Variants in HELQ observed in about 807,000 individuals in gnomAD.
HELQ encodes the protein helicase POLQ-like.
Under a neutral mutation model 111.6 loss-of-function variants are expected in HELQ, and 77 were observed. That is an observed-to-expected ratio of 0.69 (90% CI 0.57 to 0.83). The LOEUF is 0.83. Among genes scored for constraint, HELQ ranks in the 40% least tolerant of loss-of-function variants. HELQ has a pLI of 0.00. For synonymous variants in HELQ, 438 were observed against 454.7 expected (o/e 0.96, Z 0.47); for missense variants, 1,200 against 1,288.5 (o/e 0.93, Z 1.05).
intron 15 of HELQ, among the ~76,000 whole-genome samples, chr4:83,420,741 C>A (rs971663305): frequency 3.9e-5 from 6 of 151,960 alleles, no homozygotes; most frequent in Admixed American, 6.6e-5. Flanking sequence ...GCTAAGATTG[C>A]GCCACTGTAC....
chr4:83,453,768 T>C lies in HELQ; in HGVS notation c.475A>G (p.Ile159Val), dbSNP rs755687252. 13 of 1,614,086 alleles carry C rather than the reference T, an allele frequency of 8.1e-6. No individual in the cohort carries two copies. Among genetic ancestry groups the C allele is most frequent in the African/African-American group, 1.3e-5 (1 of 74,930 alleles). The change falls in exon 2 of 18, where the codon ATT (isoleucine) becomes GTT (valine). Residue 159 changes from isoleucine (I) to valine (V), a missense_variant. Around this residue, in one of 3 missense-constraint regions of HELQ, gnomAD observed 610 missense variants for 607.1 expected, o/e 1.00. Transcript: ENST00000295488. ...TCAGTAAGGTTGCCTATGGTAGTAATGCTGAGTTTGTTTTTGATACTTTCC... is the reference window on the plus strand; with the variant it reads ...TCAGTAAGGTTGCCTATGGTAGTAACGCTGAGTTTGTTTTTGATACTTTCC... ...CSESIKNKLS[I>V]TTIGNLTELQ... is the part of the protein sequence containing the mutation.
rs1721758324 is a variant in HELQ at position 83,455,753 on chromosome 4, A to G, written c.-60T>C. ...TCAGTGACCCAGACGCTAAGCCCAT[A>G]TGGAAGGGAGAGTGGGACGCCGGAG... On this transcript the variant is annotated 5_prime_UTR_variant, in exon 1 of 18. Transcript: ENST00000295488. 1.3e-6 allele frequency: 2 copies of G among 1,511,668 alleles called. No homozygotes were observed. The highest frequency in any genetic ancestry group is 1.2e-5 in the South Asian group (1 of 85,008). 93.6% of individuals were successfully genotyped at this position (1,511,668 alleles called of 1,614,324 possible).
chr4:83,453,298 AG>A lies in HELQ; in HGVS notation c.944del (p.Pro315LeufsTer9). On this transcript the variant is annotated frameshift_variant, in exon 2 of 18. Coordinates refer to ENST00000295488, the MANE Select transcript of HELQ (RefSeq NM_133636.5). LOFTEE classifies it high-confidence loss of function. ...TCACTTTGCTGGGTAATGAATAAAAAGGACCAAGGTCATTTGATGATGACTC... is the reference window on the plus strand; with the variant it reads ...TCACTTTGCTGGGTAATGAATAAAAAGACCAAGGTCATTTGATGATGACTC... ...TVESSSNDLGPFYSLPSKVRD... is the reference protein window; with the variant it reads ...TVESSSNDLGXFYSLPSKVRD... 1.2e-6 allele frequency: 2 copies of A among 1,613,884 alleles called. No individual in the cohort carries two copies. The highest frequency in any genetic ancestry group is 1.7e-6 in the Non-Finnish European group (2 of 1,179,858).
Position 83,416,858 on chromosome 4 carries a change from G to C in HELQ, c.3071C>G (p.Ala1024Gly), listed in dbSNP as rs1157381788. Residue 1024 changes from alanine (A) to glycine (G), a missense_variant, in exon 17 of 18, where the codon GCA (alanine) becomes GGA (glycine). Physicochemically the swap from Ala to Gly is moderately conservative, Grantham distance 60 (BLOSUM62 0). Transcript: ENST00000295488. Reference sequence around the variant, plus strand: ...GTAACCTGCACTGTATAACTGTTTTGCTCGACCCTGAAAAGTGTTACAAAA... The same window carrying C: ...GTAACCTGCACTGTATAACTGTTTTCCTCGACCCTGAAAAGTGTTACAAAA... ...MEVTGVLEGRAKQLYSAGYKS... is the reference protein window; with the variant it reads ...MEVTGVLEGRGKQLYSAGYKS... The C allele has an allele frequency of 3.7e-6, 6 of 1,600,472 alleles. No homozygotes were observed. Among genetic ancestry groups the C allele is most frequent in the Non-Finnish European group, 5.1e-6 (6 of 1,175,216 alleles).
chr4:83,428,138 CATG>C (rs1466330956), intron 12 of HELQ, among the ~76,000 whole-genome samples: 1 of 152,028 alleles, frequency 6.6e-6, no homozygotes, highest in African/African-American at 2.4e-5. Context: ...TTAAGATGTT[CATG>C]ATATCTTATG....
chr4:83,410,290 T>C (rs112350613), intron 17 of HELQ, among the ~76,000 whole-genome samples: 1,632 of 152,232 alleles, frequency 0.011, 14 homozygotes, highest in Non-Finnish European at 0.017. Context: ...GGAGAGGAAA[T>C]AAAATGGAAT....
Position 83,449,391 on chromosome 4 carries a change from G to A in HELQ, c.1013-430C>T, listed in dbSNP as rs116136073. ...CAAAAGCCATCTCAGAGAGAAGCAG[G>A]GGAAGGAGGGAAACAAATCTATTAG... On this transcript the variant is annotated intron_variant, in intron 2 of 17. Coordinates refer to ENST00000295488, the MANE Select transcript of HELQ (RefSeq NM_133636.5). 3.6e-3 allele frequency among the ~76,000 whole-genome samples: 552 copies of A among 152,292 alleles called. 4 individuals are homozygous for A. The highest frequency in any genetic ancestry group is 0.01 in the Middle Eastern group (3 of 294).
chr4:83,453,578 T>A lies in HELQ; in HGVS notation c.665A>T (p.Asp222Val). Residue 222 changes from aspartate (D) to valine (V), a missense_variant, in exon 2 of 18, where the codon GAT becomes GTT. Coordinates refer to ENST00000295488, the MANE Select transcript of HELQ (RefSeq NM_133636.5). ...AGTGTTGTGAGAGGATGACTTCCAA[T>A]CCCTTTCTTTCATAGAATGATCACC... ...DLGDHSMKER[D>V]WKSSSHNTVN... The A allele has an allele frequency of 6.2e-7, 1 of 1,613,172 alleles. No individual in the cohort carries two copies. Among genetic ancestry groups the A allele is most frequent in the Non-Finnish European group, 8.5e-7 (1 of 1,179,276 alleles).
At chr4:83,427,516 T>C in intron 13 of HELQ, 47 bp downstream of exon 13, 10 of 1,411,950 alleles carry the variant, frequency 7.1e-6, no homozygotes, top group Non-Finnish European at 5.6e-6. Flanking sequence ...CAGCATGTAA[T>C]AATTCATAAA....
At chr4:83,450,510 A>G (rs560022493) in intron 2 of HELQ, among the ~76,000 whole-genome samples, 101 of 152,174 alleles carry the variant, frequency 6.6e-4, no homozygotes, top group Middle Eastern at 3.4e-3. Context: ...ATATTCAATA[A>G]ATATTGAAAA....
Position 83,425,575 on chromosome 4 carries a change from T to G in HELQ, c.2775+419A>C, listed in dbSNP as rs61291445. Among the ~76,000 whole-genome samples the G allele has an allele frequency of 8.9e-3, 1,352 of 152,288 alleles. 19 individuals are homozygous for G. The highest frequency in any genetic ancestry group is 0.031 in the African/African-American group (1,276 of 41,544). ...CTTTAACCTTCTAAAATGCTTTATGTAATATAAGTACTAGACTAGGAGTTC... is the reference window on the plus strand; with the variant it reads ...CTTTAACCTTCTAAAATGCTTTATGGAATATAAGTACTAGACTAGGAGTTC... On this transcript the variant is annotated intron_variant, in intron 14 of 17. Transcript: ENST00000295488.
intron 8 of HELQ, among the ~76,000 whole-genome samples, chr4:83,438,489 C>T (rs1163821383): frequency 2.0e-5 from 3 of 152,156 alleles, no homozygotes; most frequent in Admixed American, 6.5e-5. Context: ...GCCTGTAATT[C>T]CAGCACTTTG....
At chr4:83,409,769 T>A (rs1268390117) in intron 17 of HELQ, among the ~76,000 whole-genome samples, 1 of 151,406 alleles carries the variant, frequency 6.6e-6, no homozygotes, top group African/African-American at 2.4e-5. Flanking sequence ...GGACAAAAAC[T>A]GGAAGAAATG....
chr4:83,423,083 A>C lies in HELQ; in HGVS notation c.2776-1347T>G, dbSNP rs573940846. On this transcript the variant is annotated intron_variant, in intron 14 of 17. Transcript: ENST00000295488. ...TTCATAGCTAGCTTAGAAACTAATC[A>C]ATTCTTAAAATTGAGGGCAAAAAGA... is the stretch of plus-strand genomic sequence containing the variant. Among the ~76,000 whole-genome samples, 4 of 152,220 alleles carry C rather than the reference A, an allele frequency of 2.6e-5. No homozygotes were observed. The East Asian group carries it at 7.7e-4, about 29-fold the overall frequency.
At chr4:83,412,997 C>T (rs1312060627) in intron 17 of HELQ, among the ~76,000 whole-genome samples, 1 of 152,196 alleles carries the variant, frequency 6.6e-6, no homozygotes, top group East Asian at 1.9e-4. Flanking sequence ...CACATTTCTA[C>T]ATGATTGTCA....
chr4:83,420,461 C>T (rs1326056512), intron 15 of HELQ, among the ~76,000 whole-genome samples: 1 of 151,814 alleles, frequency 6.6e-6, no homozygotes, highest in Non-Finnish European at 1.5e-5. Context: ...GTGAGACCCC[C>T]CACCCCCGCC....
At chr4:83,408,546 C>A (rs948378318) in intron 17 of HELQ, among the ~76,000 whole-genome samples, 1 of 151,488 alleles carries the variant, frequency 6.6e-6, no homozygotes, top group Non-Finnish European at 1.5e-5. Flanking sequence ...CCACCATGCC[C>A]AGCCTCTTTT....
At chr4:83,450,222 T>TAAAAAAAAAAAAAAAAAAAAAAAAA (rs71668650) in intron 2 of HELQ, among the ~76,000 whole-genome samples, 2 of 45,594 alleles carry the variant, frequency 4.4e-5, no homozygotes, top group Non-Finnish European at 1.1e-4. Context: ...CAGTTAAGTT[T>TAAAAAAAAAAAAAAAAAAAAAAAAA]AAAAAAAAAA....
At chr4:83,448,544 C>T (rs1346578153) in intron 3 of HELQ, among the ~76,000 whole-genome samples, 1 of 151,708 alleles carries the variant, frequency 6.6e-6, no homozygotes, top group Non-Finnish European at 1.5e-5. Context: ...GTGGCATGGG[C>T]CTGTAATCCC....
Sources: allele counts gnomAD v4.1 joint callset (sites outside exome capture counted in the v4.1 genomes callset), GRCh38; gene constraint gnomAD v4.1.1; regional missense constraint gnomAD v4.1.1; transcripts MANE v1.5; gene names NCBI Gene and HGNC (gene_info 2026-07-23, HGNC 2026-07-21).